Variants in GPHN observed in about 807,000 individuals in gnomAD.
GPHN encodes the protein gephyrin.
In GPHN, 17 loss-of-function variants were observed where a neutral mutation model predicts 95.5. That is an observed-to-expected ratio of 0.18 (90% CI 0.12 to 0.27). The LOEUF (loss-of-function observed/expected upper bound fraction) is 0.27, where lower values mean the gene tolerates loss of function less well. Ranked by LOEUF, GPHN falls within the 10% of genes least tolerant of loss-of-function variation. The probability of loss-of-function intolerance (pLI) is 1.00; values close to 1 mark genes in which losing one functional copy is unlikely to be tolerated. For missense variants in GPHN, 660 were observed against 978.1 expected (o/e 0.67, Z 4.34); for synonymous variants, 320 against 322.5 (o/e 0.99, Z 0.08).
intron 18 of GPHN, among the ~76,000 whole-genome samples, chr14:67,147,909 C>A (rs1299846588): frequency 1.3e-5 from 2 of 152,174 alleles, no homozygotes; most frequent in Non-Finnish European, 2.9e-5. Flanking sequence ...TTATTCCCAG[C>A]ATTTCTTTTT....
At chr14:67,484,362 A>G in the GPHN span, among the ~76,000 whole-genome samples, 1 of 152,244 alleles carries the variant, frequency 6.6e-6, no homozygotes, top group African/African-American at 2.4e-5. Flanking sequence ...TGATGAGGGC[A>G]GGTATAAACA....
At chr14:66,811,559 AAG>A (rs377752839) in intron 3 of GPHN, among the ~76,000 whole-genome samples, 1,198 of 97,310 alleles carry the variant, frequency 0.012, 13 homozygotes, top group African/African-American at 0.12. Context: ...AAAAAAAAAA[AAG>A]AAACAAAATA....
chr14:67,680,757 C>G, the GPHN span, among the ~76,000 whole-genome samples: 1 of 152,210 alleles, frequency 6.6e-6, no homozygotes, highest in African/African-American at 2.4e-5. Context: ...CCGCGCCCAG[C>G]CAAGTAAGAG....
intron 19 of GPHN, among the ~76,000 whole-genome samples, chr14:67,160,649 C>T (rs570157325): frequency 1.1e-3 from 164 of 152,212 alleles, no homozygotes; most frequent in African/African-American, 3.8e-3. Context: ...AGTTCCAGCC[C>T]ACCTCCATGC....
At chr14:66,584,756 T>A (rs1395950476) in intron 1 of GPHN, among the ~76,000 whole-genome samples, 1 of 152,166 alleles carries the variant, frequency 6.6e-6, no homozygotes, top group Non-Finnish European at 1.5e-5. Flanking sequence ...TCATGGTGGA[T>A]AAGCTTTTTG....
At chr14:67,699,589 C>CAAAAAAAAAAAA in the GPHN span, among the ~76,000 whole-genome samples, 13 of 50,776 alleles carry the variant, frequency 2.6e-4, no homozygotes, top group African/African-American at 6.4e-4. Flanking sequence ...GACCCTATCT[C>CAAAAAAAAAAAA]AAAAAAAAAA....
the GPHN span, among the ~76,000 whole-genome samples, chr14:67,361,217 T>G: frequency 6.6e-6 from 1 of 152,204 alleles, no homozygotes; most frequent in African/African-American, 2.4e-5. Flanking sequence ...TAAATTTTTA[T>G]TAAGCAAAAA....
chr14:67,125,593 G>A (rs1245937825), intron 17 of GPHN, among the ~76,000 whole-genome samples: 5 of 152,044 alleles, frequency 3.3e-5, no homozygotes, highest in Non-Finnish European at 7.4e-5. Context: ...CCTGACCAAC[G>A]TGGCGAACCC....
chr14:67,565,193 CTTAGGT>C, the GPHN span, among the ~76,000 whole-genome samples: 424 of 152,186 alleles, frequency 2.8e-3, 1 homozygote, highest in Non-Finnish European at 3.1e-3. Context: ...TCCCCACAGA[CTTAGGT>C]ACTTGCCCAA....
At chr14:67,253,713 T>C in the GPHN span, among the ~76,000 whole-genome samples, 1 of 152,018 alleles carries the variant, frequency 6.6e-6, no homozygotes, top group Non-Finnish European at 1.5e-5. Context: ...TGGGTTTGCA[T>C]TCCTGTAGTC....
At chr14:66,571,853 C>T (rs1376907717) in intron 1 of GPHN, among the ~76,000 whole-genome samples, 1 of 152,076 alleles carries the variant, frequency 6.6e-6, no homozygotes, top group African/African-American at 2.4e-5. Context: ...TTCCCTGGAC[C>T]AATGCCAGGA....
chr14:67,374,328 T>C, the GPHN span: 5 of 472,574 alleles, frequency 1.1e-5, no homozygotes, highest in Admixed American at 7.3e-5. Context: ...GTAATACTTA[T>C]GCAGTATTTT....
intron 9 of GPHN, among the ~76,000 whole-genome samples, chr14:67,019,323 G>A (rs2073478647): frequency 6.6e-6 from 1 of 152,134 alleles, no homozygotes; most frequent in African/African-American, 2.4e-5. Flanking sequence ...AATTTAAAAT[G>A]TGATTAGTGG....
At chr14:66,750,906 G>C (rs921136732) in intron 2 of GPHN, among the ~76,000 whole-genome samples, 2 of 151,890 alleles carry the variant, frequency 1.3e-5, no homozygotes, top group Non-Finnish European at 2.9e-5. Context: ...TTTTTGTACT[G>C]CTGGGATATC....
the GPHN span, among the ~76,000 whole-genome samples, chr14:67,192,901 T>C: frequency 6.9e-6 from 1 of 144,802 alleles, no homozygotes; most frequent in African/African-American, 2.5e-5. Context: ...TATCGATATC[T>C]AGATATATAT....
chr14:66,911,231 G>GA (rs2065660620), intron 5 of GPHN, among the ~76,000 whole-genome samples: 1 of 151,932 alleles, frequency 6.6e-6, no homozygotes, highest in Non-Finnish European at 1.5e-5. Flanking sequence ...TGTATGGACA[G>GA]AAAATAGCTT....
At chr14:67,224,662 T>C in the GPHN span, 2 of 328,420 alleles carry the variant, frequency 6.1e-6, no homozygotes, top group East Asian at 1.1e-4. Flanking sequence ...TATGGGCTTA[T>C]CTCTGATTCT....
intron 9 of GPHN, among the ~76,000 whole-genome samples, chr14:66,976,915 T>TGGGG (rs34249632): frequency 8.5e-5 from 7 of 81,890 alleles, no homozygotes; most frequent in Admixed American, 3.9e-4. Context: ...CAGAAATATG[T>TGGGG]GGGGGGGGGG....
At chr14:67,727,025 TCTGCC>T in the GPHN span, 2 of 1,613,556 alleles carry the variant, frequency 1.2e-6, no homozygotes, top group Non-Finnish European at 1.7e-6. Flanking sequence ...GCTAAAGGTG[TCTGCC>T]CCTGCACGGG....
Sources: allele counts gnomAD v4.1 joint callset (sites outside exome capture counted in the v4.1 genomes callset), GRCh38; gene constraint gnomAD v4.1.1; transcripts MANE v1.5; gene names NCBI Gene and HGNC (gene_info 2026-07-23, HGNC 2026-07-21).